Variants in NRXN1 observed in about 807,000 individuals in gnomAD.
The protein encoded by NRXN1 is neurexin 1, also known as neurexin-1.
A neutral mutation model predicts 150.9 loss-of-function variants in NRXN1; 39 were observed. The ratio of observed to expected loss-of-function variants is 0.26; its 90% confidence interval spans 0.20 to 0.34. The LOEUF (loss-of-function observed/expected upper bound fraction) is 0.34, where lower values mean the gene tolerates loss of function less well. Among genes scored for constraint, NRXN1 ranks in the 10% least tolerant of loss-of-function variants. The pLI is 1.00. For missense variants in NRXN1, 1,815 were observed against 1,949.9 expected (o/e 0.93, Z 1.30); for synonymous variants, 924 against 757.0 (o/e 1.22, Z -3.62).
intron 21 of NRXN1, among the ~76,000 whole-genome samples, chr2:49,980,758 T>C (rs1242724335): frequency 6.6e-6 from 1 of 152,170 alleles, no homozygotes; most frequent in Non-Finnish European, 1.5e-5. Flanking sequence ...AATGTGCAGA[T>C]ATACAGGCAA....
At chr2:50,596,419 C>A (rs760724740) in intron 8 of NRXN1, among the ~76,000 whole-genome samples, 7 of 152,140 alleles carry the variant, frequency 4.6e-5, no homozygotes, top group Non-Finnish European at 7.3e-5. Context: ...TGATGTACAC[C>A]ATTTCAAAAT....
intron 21 of NRXN1, among the ~76,000 whole-genome samples, chr2:49,976,128 T>A (rs1351112096): frequency 6.6e-6 from 1 of 151,518 alleles, no homozygotes; most frequent in African/African-American, 2.4e-5. Flanking sequence ...GTTCAAGTGA[T>A]TCTTCTGCCT....
intron 18 of NRXN1, among the ~76,000 whole-genome samples, chr2:50,117,371 G>C (rs1201898228): frequency 1.3e-5 from 2 of 152,072 alleles, no homozygotes; most frequent in African/African-American, 4.8e-5. Context: ...TGAATAAGGA[G>C]AATGGGTAAT....
At chr2:50,591,148 G>A (rs1674124006) in intron 8 of NRXN1, among the ~76,000 whole-genome samples, 1 of 152,090 alleles carries the variant, frequency 6.6e-6, no homozygotes, top group Non-Finnish European at 1.5e-5. Flanking sequence ...AATAGAGCTG[G>A]TTCTTTGAGG....
chr2:50,251,046 CAT>C (rs886398955), intron 17 of NRXN1, among the ~76,000 whole-genome samples: 3 of 150,516 alleles, frequency 2.0e-5, no homozygotes, highest in Non-Finnish European at 4.4e-5. Context: ...AAATTTATTA[CAT>C]GTTGTATATG....
chr2:50,822,438 T>C (rs1180791678), intron 5 of NRXN1, among the ~76,000 whole-genome samples: 1 of 152,102 alleles, frequency 6.6e-6, no homozygotes, highest in Non-Finnish European at 1.5e-5. Flanking sequence ...GTCTTAAAAA[T>C]AAATATTTTT....
At chr2:50,684,009 T>C (rs1690861515) in intron 5 of NRXN1, among the ~76,000 whole-genome samples, 2 of 152,048 alleles carry the variant, frequency 1.3e-5, no homozygotes, top group African/African-American at 4.8e-5. Context: ...TCCATCCATC[T>C]ATGCATTTCA....
intron 21 of NRXN1, among the ~76,000 whole-genome samples, chr2:50,021,066 A>G (rs575962893): frequency 6.6e-6 from 1 of 152,348 alleles, no homozygotes; most frequent in South Asian, 2.1e-4. Context: ...TTTCTTAACT[A>G]TTAATAGATA....
intron 5 of NRXN1, among the ~76,000 whole-genome samples, chr2:50,772,181 C>G (rs1315669005): frequency 1.3e-5 from 2 of 151,806 alleles, no homozygotes; most frequent in Non-Finnish European, 2.9e-5. Flanking sequence ...GCTTGCCTAA[C>G]ACATAAAAAT....
chr2:50,279,649 C>T (rs2071132875), intron 17 of NRXN1, among the ~76,000 whole-genome samples: 1 of 152,040 alleles, frequency 6.6e-6, no homozygotes, highest in Admixed American at 6.6e-5. Context: ...TGAAAATGTG[C>T]TCTGTGATTT....
At chr2:50,035,579 A>G (rs1689903119) in intron 21 of NRXN1, among the ~76,000 whole-genome samples, 1 of 152,120 alleles carries the variant, frequency 6.6e-6, no homozygotes, top group Non-Finnish European at 1.5e-5. Flanking sequence ...GTTCTGCTAT[A>G]TTATTGGCTA....
chr2:50,696,292 T>C (rs1337002486), intron 5 of NRXN1: 1 of 152,006 alleles, frequency 6.6e-6, no homozygotes, highest in African/African-American at 2.4e-5. Flanking sequence ...TCTATACATA[T>C]GAAAAAATGA....
chr2:50,776,579 ATAT>A (rs970547297), intron 5 of NRXN1, among the ~76,000 whole-genome samples: 4 of 151,250 alleles, frequency 2.6e-5, no homozygotes, highest in African/African-American at 7.3e-5. Context: ...TATATATATA[ATAT>A]TATATGTATT....
At chr2:50,383,139 T>G (rs1469058676) in intron 17 of NRXN1, among the ~76,000 whole-genome samples, 1 of 152,182 alleles carries the variant, frequency 6.6e-6, no homozygotes, top group Non-Finnish European at 1.5e-5. Flanking sequence ...AATTGAAATT[T>G]TCCTAAAACT....
chr2:50,579,460 T>A (rs540660461), intron 8 of NRXN1, among the ~76,000 whole-genome samples: 1 of 152,092 alleles, frequency 6.6e-6, no homozygotes, highest in South Asian at 2.1e-4. Context: ...CAGTTTGAGA[T>A]CAGCCTGGGC....
chr2:50,022,392 A>T (rs7557080), intron 21 of NRXN1, among the ~76,000 whole-genome samples: 6,916 of 152,300 alleles, frequency 0.045, 523 homozygotes, highest in African/African-American at 0.16. Context: ...TGATTTAAAA[A>T]TTTTATTAGC....
chr2:49,991,464 CATA>C (rs1281683634), intron 21 of NRXN1, among the ~76,000 whole-genome samples: 2 of 151,788 alleles, frequency 1.3e-5, no homozygotes, highest in Admixed American at 6.6e-5. Context: ...ATAAAAAAAA[CATA>C]ATAACATTTA....
chr2:50,332,481 A>T (rs1009000009), intron 17 of NRXN1, among the ~76,000 whole-genome samples: 3 of 152,178 alleles, frequency 2.0e-5, no homozygotes, highest in Non-Finnish European at 2.9e-5. Flanking sequence ...CACTAATGAT[A>T]CCTGAAAGCA....
In NRXN1 at chr2:50,050,629, T is replaced by A. The variant is rs115357263; in HGVS notation, c.4128+2642A>T. Among the ~76,000 whole-genome samples the A allele has an allele frequency of 5.9e-3, 901 of 152,126 alleles. 10 individuals carry two copies. Among genetic ancestry groups the A allele is most frequent in the African/African-American group, 0.021 (861 of 41,548 alleles). On this transcript the variant is annotated intron_variant, in intron 21 of 22. Transcript: ENST00000401669. The stretch of plus-strand genomic sequence containing the variant: ...TGTAAAAATAGGTCAAAGTTTACAG[T>A]TTCGAAATTAACATTAGAAATTTAT...
Sources: gnomAD v4.1 joint callset for allele counts (sites outside exome capture counted in the v4.1 genomes callset) on GRCh38, gnomAD v4.1.1 for gene constraint, MANE v1.5 for transcripts, NCBI Gene and HGNC (gene_info 2026-07-23, HGNC 2026-07-21) for gene names.